The following TTC19 variants were observed in gnomAD, a reference collection of about 807,000 sequenced individuals.
TTC19 encodes tetratricopeptide repeat domain 19, also known as tetratricopeptide repeat protein 19, mitochondrial.
A neutral mutation model predicts 49.5 loss-of-function variants in TTC19; 38 were observed. The observed-to-expected ratio is 0.77, with a 90% CI of 0.59 to 1.01. The LOEUF (loss-of-function observed/expected upper bound fraction) is 1.01. Ranked by LOEUF, TTC19 falls within the 50% of genes least tolerant of loss-of-function variation. TTC19 has a pLI of 0.00. For synonymous variants in TTC19, 204 were observed against 185.2 expected, an observed-to-expected ratio of 1.10 and a Z score of -0.83; for missense variants, 475 against 477.7, an observed-to-expected ratio of 0.99 and a Z score of 0.05.
At chr17:16,025,820 A>G (rs1971537060) in intron 8 of TTC19, among the ~76,000 whole-genome samples, 1 of 152,220 alleles carries the variant, frequency 6.6e-6, no homozygotes, top group Admixed American at 6.5e-5. Context: ...AGGCTGGGGT[A>G]CATGGGTAGG....
At chr17:16,018,193 A>T (rs1469364864) in intron 7 of TTC19, among the ~76,000 whole-genome samples, 1 of 152,068 alleles carries the variant, frequency 6.6e-6, no homozygotes, top group East Asian at 1.9e-4. Context: ...GCTTTGCTGG[A>T]CTCAGAAGTT....
chr17:16,034,821 C>T (rs1567618692), intron 2 of TTC19: 1 of 1,614,080 alleles, frequency 6.2e-7, no homozygotes, highest in Non-Finnish European at 8.5e-7. Flanking sequence ...ATGGTAATCC[C>T]CTTCTGAATG....
intron 2 of TTC19, chr17:16,000,472 G>C: frequency 7.7e-7 from 1 of 1,303,618 alleles, no homozygotes; most frequent in Non-Finnish European, 1.0e-6. Flanking sequence ...AGTGCAAATG[G>C]AGATGGCGCC....
intron 5 of TTC19, 150 bp from the exon 6 acceptor site, chr17:16,004,051 C>T: frequency 9.2e-7 from 1 of 1,090,780 alleles, no homozygotes; most frequent in Middle Eastern, 2.0e-4. Flanking sequence ...AATGCAACAG[C>T]ATGCTTGCCA....
intron 2 of TTC19, among the ~76,000 whole-genome samples, chr17:16,035,989 G>A (rs755730524): frequency 4.6e-5 from 7 of 152,106 alleles, no homozygotes; most frequent in East Asian, 1.9e-4. Flanking sequence ...TACAAATGTC[G>A]TTAATAGCAT....
At position 16,027,659 on chromosome 17, in the gene TTC19, G is replaced by A; in HGVS notation, c.*137G>A. The A allele has an allele frequency of 9.7e-7, 1 of 1,030,998 alleles. No individual in the cohort carries two copies. The highest frequency in any genetic ancestry group is 1.5e-6 in the Non-Finnish European group (1 of 681,286). 63.9% of individuals were successfully genotyped at this position (1,030,998 alleles called of 1,614,324 possible). ...TTTCCTCAATTTAGCCTTAGTGAAG[G>A]AGGGGTTGTACACACTGCCATTTTT... On this transcript the variant is annotated 3_prime_UTR_variant, in exon 10 of 10. Transcript: ENST00000261647.
chr17:16,043,191 T>TA (rs1392259267), intron 2 of TTC19, among the ~76,000 whole-genome samples: 2 of 152,212 alleles, frequency 1.3e-5, no homozygotes, highest in South Asian at 4.1e-4. Context: ...AAGTAAGTTT[T>TA]AAAGCATTAC....
At chr17:16,018,113 T>C (rs1480258146) in intron 7 of TTC19, among the ~76,000 whole-genome samples, 2 of 152,224 alleles carry the variant, frequency 1.3e-5, no homozygotes, top group African/African-American at 4.8e-5. Flanking sequence ...TGGAATTTAT[T>C]GCAGAGGAGA....
chr17:16,034,218 G>A (rs1236080557), downstream of TTC19, among the ~76,000 whole-genome samples: 1 of 152,166 alleles, frequency 6.6e-6, no homozygotes, highest in Non-Finnish European at 1.5e-5. Flanking sequence ...GAATGGTTGA[G>A]ATTATTTTTT....
At chr17:16,003,604 T>C (rs1970806920) in intron 4 of TTC19, among the ~76,000 whole-genome samples, 1 of 152,084 alleles carries the variant, frequency 6.6e-6, no homozygotes, top group South Asian at 2.1e-4. Flanking sequence ...GGTTGTTTTC[T>C]ACTCATCAGA....
intron 8 of TTC19, 104 bp downstream of exon 8, chr17:16,025,275 G>T (rs1211922729): frequency 1.9e-5 from 22 of 1,168,346 alleles, no homozygotes; most frequent in Non-Finnish European, 2.5e-5. Context: ...GATGGTCCTA[G>T]ATCCTCCTTG....
At chr17:16,025,363 AT>A (rs1182907143) in intron 8 of TTC19, among the ~76,000 whole-genome samples, 192 bp downstream of exon 8, 1 of 152,246 alleles carries the variant, frequency 6.6e-6, no homozygotes, top group African/African-American at 2.4e-5. Flanking sequence ...GAGACTAGTT[AT>A]CAGTTACTAG....
At chr17:16,000,766 A>G (rs1970702420) in intron 2 of TTC19, among the ~76,000 whole-genome samples, 1 of 152,020 alleles carries the variant, frequency 6.6e-6, no homozygotes, top group South Asian at 2.1e-4. Context: ...TCCATTCTGT[A>G]GTGTGCTACT....
At chr17:16,023,093 TAA>T (rs1464424243) in intron 7 of TTC19, among the ~76,000 whole-genome samples, 1 of 152,216 alleles carries the variant, frequency 6.6e-6, no homozygotes, top group Non-Finnish European at 1.5e-5. Flanking sequence ...TGGCAGTTGC[TAA>T]AAGTTTTCTT....
chr17:16,020,563 G>T lies in TTC19; in HGVS notation c.677-4454G>T, dbSNP rs1482512966. On this transcript the variant is annotated intron_variant, in intron 7 of 9. Transcript: ENST00000261647. ...TGATTTGTAATGACATCTCTATATT[G>T]GGTTTTCATAGATTCATGGGGTGCT... is the stretch of plus-strand genomic sequence containing the variant. 2.6e-5 allele frequency among the ~76,000 whole-genome samples: 4 copies of T among 151,912 alleles called. No individual in the cohort carries two copies. The East Asian group carries it at 5.8e-4, about 22-fold the overall frequency.
At chr17:16,032,521 A>G (rs774740686), downstream of TTC19, 19 of 1,528,360 alleles carry the variant, frequency 1.2e-5, no homozygotes, top group Admixed American at 3.4e-4. Flanking sequence ...TGTCATGAAC[A>G]TAACTGGTAT....
intron 8 of TTC19, 41 bp downstream of exon 8, chr17:16,025,212 G>T (rs753021454): frequency 6.3e-7 from 1 of 1,597,134 alleles, no homozygotes; most frequent in South Asian, 1.1e-5. Context: ...TAAAACAAAG[G>T]CTTCAAAATT....
intron 7 of TTC19, among the ~76,000 whole-genome samples, chr17:16,021,453 C>T (rs957376546): frequency 6.6e-6 from 1 of 152,144 alleles, no homozygotes; most frequent in Admixed American, 6.5e-5. Flanking sequence ...GGGGGAAAGA[C>T]GCATAGTAAG....
chr17:16,000,342 G>T, intron 2 of TTC19, 97 bp downstream of exon 2: 1 of 1,541,628 alleles, frequency 6.5e-7, no homozygotes, highest in Non-Finnish European at 8.7e-7. Context: ...CCTCGCCGAA[G>T]AGTGGATGGA....
Sources: gnomAD v4.1 joint callset for allele counts (sites outside exome capture counted in the v4.1 genomes callset) on GRCh38, gnomAD v4.1.1 for gene constraint, MANE v1.5 for transcripts, NCBI Gene and HGNC (gene_info 2026-07-23, HGNC 2026-07-21) for gene names.